Variants in PCDHGA12 observed in about 807,000 individuals in gnomAD.
PCDHGA12 encodes protocadherin gamma-A12.
In PCDHGA12, 43 loss-of-function variants were observed where a neutral mutation model predicts 61.1. The observed-to-expected ratio is 0.70, with a 90% CI of 0.55 to 0.91. PCDHGA12 has a LOEUF of 0.91. PCDHGA12 is among the 40% of genes least tolerant of loss of function. The pLI is 0.00. For synonymous variants in PCDHGA12, 520 were observed against 542.9 expected, an observed-to-expected ratio of 0.96 and a Z score of 0.59; for missense variants, 1,236 against 1,227.7, an observed-to-expected ratio of 1.01 and a Z score of -0.10.
At position 141,477,460 on chromosome 5, in the gene PCDHGA12, C is replaced by T; in HGVS notation, c.2425-17347C>T. 6.2e-7 allele frequency: 1 copy of T among 1,614,132 alleles called. No individual in the cohort carries two copies. Among genetic ancestry groups the T allele is most frequent in the Non-Finnish European group, 8.5e-7 (1 of 1,180,020 alleles). On this transcript the variant is annotated intron_variant, in intron 1 of 3. Transcript: ENST00000252085. The surrounding 1 kb of genome is among the most constrained non-coding windows in gnomAD (Gnocchi z 4.9). ...TTACAATAGTGCGTGTTCAAGTGTC[C>T]GACATCAATGACAACCCTCCACAAT...
intron 1 of PCDHGA12, among the ~76,000 whole-genome samples, chr5:141,472,980 C>CAAAAAAAAAAAAAAAAA (rs60579131): frequency 5.8e-5 from 5 of 86,060 alleles, no homozygotes; most frequent in African/African-American, 3.9e-5. Context: ...GAGTGAAACT[C>CAAAAAAAAAAAAAAAAA]AAAAAAAAAA....
At position 141,477,742 on chromosome 5, in the gene PCDHGA12, G is replaced by C; in HGVS notation, c.2425-17065G>C. 2 of 1,613,800 alleles carry C rather than the reference G, an allele frequency of 1.2e-6. No individual in the cohort carries two copies. Among genetic ancestry groups the C allele is most frequent in the Non-Finnish European group, 1.7e-6 (2 of 1,180,030 alleles). ...AATTAACAGCTCATATCAGCGATGG[G>C]GGCACCCCGGTCCTAGCCACCAACA... On this transcript the variant is annotated intron_variant, in intron 1 of 3. Coordinates refer to ENST00000252085, the MANE Select transcript of PCDHGA12 (RefSeq NM_003735.3). The surrounding 1 kb of genome is among the most constrained non-coding windows in gnomAD (Gnocchi z 4.9).
Position 141,431,920 on chromosome 5 carries a change from A to C in PCDHGA12, c.1161A>C (p.Gln387His). Residue 387 changes from glutamine to histidine, a missense_variant, in exon 1 of 4, where the codon CAA becomes CAC. Transcript: ENST00000252085. The surrounding 1 kb of genome is among the most constrained non-coding windows in gnomAD (Gnocchi z 4.8). ...ACGGACAGGTGATCTGTTTCATCCA[A>C]GGAAATCTGCCCTTTAAATTAGAAA... ...EENGQVICFI[Q>H]GNLPFKLEKS... 1 of 1,614,164 alleles carries C rather than the reference A, an allele frequency of 6.2e-7. No individual in the cohort carries two copies. Among genetic ancestry groups the C allele is most frequent in the Non-Finnish European group, 8.5e-7 (1 of 1,179,976 alleles).
At chr5:141,483,737 G>A (rs1052778197) in intron 1 of PCDHGA12, among the ~76,000 whole-genome samples, 4 of 152,102 alleles carry the variant, frequency 2.6e-5, no homozygotes, top group South Asian at 2.1e-4. Context: ...TAGTCAAAAG[G>A]ATATTCCTGA....
chr5:141,484,994 G>A (rs1257915410), intron 1 of PCDHGA12: 4 of 610,330 alleles, frequency 6.6e-6, no homozygotes, highest in Non-Finnish European at 1.2e-5. Context: ...GGTGGTGAAA[G>A]GCAGACAAAT....
At chr5:141,498,530 A>G (rs1275299749) in intron 2 of PCDHGA12, among the ~76,000 whole-genome samples, 1 of 149,364 alleles carries the variant, frequency 6.7e-6, no homozygotes, top group Non-Finnish European at 1.5e-5. Flanking sequence ...ACTGCCCTCC[A>G]GCCTGGTCTG....
intron 3 of PCDHGA12, among the ~76,000 whole-genome samples, chr5:141,505,720 G>A (rs1251781594): frequency 2.2e-4 from 34 of 152,212 alleles, no homozygotes; most frequent in Non-Finnish European, 2.9e-5. Context: ...GACTCATGGA[G>A]GGAATAGTGG....
At chr5:141,459,845 T>C (rs914128032) in intron 1 of PCDHGA12, among the ~76,000 whole-genome samples, 1 of 152,232 alleles carries the variant, frequency 6.6e-6, no homozygotes, top group Admixed American at 6.5e-5. Flanking sequence ...TCTATTTGTA[T>C]ATCTTCTTGA....
intron 1 of PCDHGA12, chr5:141,440,191 A>G (rs1239698049): frequency 1.3e-5 from 2 of 152,376 alleles, no homozygotes; most frequent in African/African-American, 4.8e-5. Context: ...GTTGAAGGCC[A>G]GGCATGGTGG....
Position 141,490,583 on chromosome 5 carries a change from A to G in PCDHGA12, c.2425-4224A>G, listed in dbSNP as rs2099701693. ...ATCAGGCTCAACATTTCAGATGTCAATGACAATGCACCCCGCTTCAACCAG... is the reference window on the plus strand; with the variant it reads ...ATCAGGCTCAACATTTCAGATGTCAGTGACAATGCACCCCGCTTCAACCAG... On this transcript the variant is annotated intron_variant, in intron 1 of 3. Coordinates refer to ENST00000252085, the MANE Select transcript of PCDHGA12 (RefSeq NM_003735.3). This position sits in a 1 kb window ranked among gnomAD's most constrained non-coding sequence, Gnocchi z 5.4. 2.5e-6 allele frequency: 4 copies of G among 1,614,138 alleles called. No homozygotes were observed. Among genetic ancestry groups the G allele is most frequent in the African/African-American group, 1.3e-5 (1 of 75,032 alleles).
In PCDHGA12 at chr5:141,511,112, G is replaced by C. The variant is rs767257788; in HGVS notation, c.2738G>C (p.Gly913Ala). The change falls in exon 4 of 4, where the codon GGC becomes GCC. Residue 913 changes from glycine (G) to alanine (A), a missense_variant. Coordinates refer to ENST00000252085, the MANE Select transcript of PCDHGA12 (RefSeq NM_003735.3). ...TLTNAAGKRD[G>A]KAPAGGNGNK... The stretch of plus-strand genomic sequence containing the variant: ...ACCAACGCAGCTGGCAAGCGGGATG[G>C]CAAGGCCCCAGCAGGTGGCAATGGC... The C allele has an allele frequency of 4.3e-6, 7 of 1,614,232 alleles. No homozygotes were observed. Among genetic ancestry groups the C allele is most frequent in the Non-Finnish European group, 5.9e-6 (7 of 1,180,024 alleles).
At position 141,431,035 on chromosome 5, in the gene PCDHGA12, G is replaced by C; in HGVS notation, c.276G>C (p.Arg92=). The C allele has an allele frequency of 6.2e-7, 1 of 1,614,186 alleles. No individual in the cohort carries two copies. Among genetic ancestry groups the C allele is most frequent in the South Asian group, 1.1e-5 (1 of 91,086 alleles). ...TGGTCACGGCGGGCAGGATAGACCG[G>C]GAGGAGCTCTGTATGGGGGCCATCA... ...GSLVTAGRID[R]EELCMGAIKC... Residue 92 remains arginine, a synonymous_variant, in exon 1 of 4, where the codon CGG becomes CGC. Transcript: ENST00000252085. The surrounding 1 kb of genome is among the most constrained non-coding windows in gnomAD (Gnocchi z 4.8).
intron 1 of PCDHGA12, among the ~76,000 whole-genome samples, chr5:141,436,998 A>T (rs985067199): frequency 6.6e-6 from 1 of 152,242 alleles, no homozygotes; most frequent in African/African-American, 2.4e-5. Context: ...GTTTACTTCA[A>T]TGGGATCTTA....
intron 1 of PCDHGA12, among the ~76,000 whole-genome samples, chr5:141,469,522 C>T (rs1409427974): frequency 2.6e-5 from 4 of 152,088 alleles, no homozygotes; most frequent in African/African-American, 9.7e-5. Flanking sequence ...TTGCAGTGAG[C>T]CAAGATTGTG....
intron 1 of PCDHGA12, among the ~76,000 whole-genome samples, chr5:141,439,530 C>T (rs1003383726): frequency 6.6e-6 from 1 of 152,180 alleles, no homozygotes; most frequent in Non-Finnish European, 1.5e-5. Flanking sequence ...CTCTACAGAA[C>T]GCTGTCCTCT....
At position 141,431,578 on chromosome 5, in the gene PCDHGA12, C is replaced by T. The variant is rs756332070; in HGVS notation, c.819C>T (p.Val273=). 6.2e-7 allele frequency: 1 copy of T among 1,614,164 alleles called. No homozygotes were observed. Residue 273 remains valine, a synonymous_variant, in exon 1 of 4, where the codon GTC becomes GTT. Coordinates refer to ENST00000252085, the MANE Select transcript of PCDHGA12 (RefSeq NM_003735.3). This position sits in a 1 kb window ranked among gnomAD's most constrained non-coding sequence, Gnocchi z 4.8. ...ACGCTACCGACCCTGACGAAGGAGT[C>T]AATGCGGAAGTGAGGTATTCCTTCC... The part of the protein sequence containing the change: ...VVNATDPDEG[V]NAEVRYSFRY...
At chr5:141,454,796 A>ATTTTTTTTTTTTTTTTTTTTTTTT (rs61612330) in intron 1 of PCDHGA12, among the ~76,000 whole-genome samples, 4 of 77,456 alleles carry the variant, frequency 5.2e-5, no homozygotes, top group Non-Finnish European at 9.3e-5. Flanking sequence ...CATGGTTCTA[A>ATTTTTTTTTTTTTTTTTTTTTTTT]TTTTTTTTTT....
chr5:141,475,721 G>C (rs867365261), intron 1 of PCDHGA12, among the ~76,000 whole-genome samples: 5 of 152,248 alleles, frequency 3.3e-5, no homozygotes, highest in Non-Finnish European at 7.3e-5. Context: ...ACAGCCCCAA[G>C]GCTGGCTTTC....
chr5:141,439,186 C>T (rs2098094521), intron 1 of PCDHGA12, among the ~76,000 whole-genome samples: 1 of 141,808 alleles, frequency 7.1e-6, no homozygotes, highest in Admixed American at 7.0e-5. Flanking sequence ...TAGTGAGACT[C>T]TGACAAAAAA....
Sources: allele counts gnomAD v4.1 joint callset (sites outside exome capture counted in the v4.1 genomes callset), GRCh38; gene constraint gnomAD v4.1.1; non-coding constraint Gnocchi (gnomAD v3.1); transcripts MANE v1.5; gene names NCBI Gene and HGNC (gene_info 2026-07-23, HGNC 2026-07-21).